Variants in ADGRL2 observed in about 807,000 individuals in gnomAD.
The protein encoded by ADGRL2 is adhesion G protein-coupled receptor L2.
Under a neutral mutation model 157.4 loss-of-function variants are expected in ADGRL2, and 44 were observed. That is an observed-to-expected ratio of 0.28 (90% CI 0.22 to 0.36). The LOEUF (loss-of-function observed/expected upper bound fraction) is 0.36, where lower values mean the gene tolerates loss of function less well. Ranked by LOEUF, ADGRL2 falls within the 10% of genes least tolerant of loss-of-function variation. The probability of loss-of-function intolerance (pLI) is 1.00; values close to 1 mark genes in which losing one functional copy is unlikely to be tolerated. For missense variants in ADGRL2, 1,510 were observed against 1,768.9 expected, an observed-to-expected ratio of 0.85 and a Z score of 2.63; for synonymous variants, 585 against 624.7, an observed-to-expected ratio of 0.94 and a Z score of 0.95.
At chr1:81,867,473 G>T (rs1243019781) in intron 2 of ADGRL2, among the ~76,000 whole-genome samples, 2 of 152,202 alleles carry the variant, frequency 1.3e-5, no homozygotes, top group Non-Finnish European at 2.9e-5. Flanking sequence ...AAGTTAGGAG[G>T]CAGCTCTACT....
At chr1:81,386,852 A>G (rs1003655767) in intron 1 of ADGRL2, among the ~76,000 whole-genome samples, 3 of 152,048 alleles carry the variant, frequency 2.0e-5, no homozygotes, top group African/African-American at 7.2e-5. Context: ...GTACCATCAC[A>G]CAGGAGAAGC....
intron 3 of ADGRL2, among the ~76,000 whole-genome samples, chr1:81,610,543 C>T (rs2081520901): frequency 6.6e-6 from 1 of 152,050 alleles, no homozygotes; most frequent in South Asian, 2.1e-4. Context: ...GATTTTATTC[C>T]AAATGTAATG....
intron 3 of ADGRL2, among the ~76,000 whole-genome samples, chr1:81,590,288 T>A (rs1284744564): frequency 6.6e-6 from 1 of 152,138 alleles, no homozygotes; most frequent in African/African-American, 2.4e-5. Context: ...CTCCTTATTT[T>A]CTATCTCTTT....
chr1:81,511,947 T>C (rs1425989849), intron 2 of ADGRL2, among the ~76,000 whole-genome samples: 2 of 152,196 alleles, frequency 1.3e-5, no homozygotes, highest in African/African-American at 2.4e-5. Context: ...ATTGCAATAA[T>C]GGAATAATTT....
chr1:81,668,228 C>T (rs532954569), intron 3 of ADGRL2, among the ~76,000 whole-genome samples: 32 of 152,044 alleles, frequency 2.1e-4, no homozygotes, highest in South Asian at 8.3e-4. Context: ...AGTTCGAGAC[C>T]GGCCTGACCA....
At chr1:81,571,452 CAT>C (rs1230153344) in intron 2 of ADGRL2, among the ~76,000 whole-genome samples, 1 of 146,138 alleles carries the variant, frequency 6.8e-6, no homozygotes, top group African/African-American at 2.5e-5. Flanking sequence ...TATACACACA[CAT>C]ATATATATAT....
intron 2 of ADGRL2, among the ~76,000 whole-genome samples, chr1:81,551,625 A>G (rs1421536112): frequency 6.6e-6 from 1 of 152,184 alleles, no homozygotes; most frequent in Non-Finnish European, 1.5e-5. Flanking sequence ...ACTTATGTAT[A>G]CATCATAAGT....
intron 2 of ADGRL2, among the ~76,000 whole-genome samples, chr1:81,871,028 T>C (rs372555452): frequency 7.3e-5 from 11 of 151,720 alleles, no homozygotes; most frequent in Non-Finnish European, 1.6e-4. Context: ...GTTGGTGTGC[T>C]GCACCCATTA....
At chr1:81,918,652 T>C (rs563299914) in intron 3 of ADGRL2, among the ~76,000 whole-genome samples, 1 of 152,094 alleles carries the variant, frequency 6.6e-6, no homozygotes, top group Non-Finnish European at 1.5e-5. Context: ...TGGGTGCATG[T>C]TTTATGCATC....
intron 2 of ADGRL2, among the ~76,000 whole-genome samples, chr1:81,554,987 A>G (rs2080237911): frequency 6.6e-6 from 1 of 152,060 alleles, no homozygotes; most frequent in Non-Finnish European, 1.5e-5. Flanking sequence ...AGAAGAGATA[A>G]AAGTCCTGTG....
intron 2 of ADGRL2, among the ~76,000 whole-genome samples, chr1:81,478,248 G>A (rs1188283212): frequency 6.6e-6 from 1 of 152,174 alleles, no homozygotes; most frequent in African/African-American, 2.4e-5. Flanking sequence ...TATCAGATAA[G>A]AGATGCAGGA....
chr1:81,366,325 A>G (rs987131401), intron 1 of ADGRL2, among the ~76,000 whole-genome samples: 18 of 152,118 alleles, frequency 1.2e-4, no homozygotes, highest in Non-Finnish European at 2.2e-4. Context: ...TAATTTAGTG[A>G]GATATGTTCT....
At chr1:81,377,111 G>T (rs781425088) in intron 1 of ADGRL2, among the ~76,000 whole-genome samples, 1 of 152,104 alleles carries the variant, frequency 6.6e-6, no homozygotes, top group Non-Finnish European at 1.5e-5. Context: ...TGGGAGGATC[G>T]CTTAGGCCCA....
intron 2 of ADGRL2, 67 bp downstream of exon 2, chr1:81,837,124 T>C (rs2092322366): frequency 2.6e-6 from 2 of 758,114 alleles, no homozygotes; most frequent in African/African-American, 3.7e-5. Context: ...CTTCTTAATA[T>C]GGAAGTGCCT....
At chr1:81,506,185 A>C (rs1025354761) in intron 2 of ADGRL2, 2 of 153,026 alleles carry the variant, frequency 1.3e-5, no homozygotes, top group African/African-American at 4.8e-5. Context: ...AGCACCTTTT[A>C]AAGACCAAGA....
chr1:81,793,143 T>C (rs2087429447), intron 2 of ADGRL2, among the ~76,000 whole-genome samples: 1 of 152,134 alleles, frequency 6.6e-6, no homozygotes, highest in Non-Finnish European at 1.5e-5. Context: ...ATAGTTTCAA[T>C]TTTAGACTCC....
intron 3 of ADGRL2, among the ~76,000 whole-genome samples, chr1:81,666,658 CAT>C (rs777871374): frequency 6.6e-6 from 1 of 152,094 alleles, no homozygotes; most frequent in Non-Finnish European, 1.5e-5. Flanking sequence ...ATGAATAAAA[CAT>C]ATAACAACCA....
intron 2 of ADGRL2, among the ~76,000 whole-genome samples, chr1:81,768,031 G>A (rs2149334067): frequency 6.6e-6 from 1 of 152,048 alleles, no homozygotes; most frequent in African/African-American, 2.4e-5. Flanking sequence ...AATATTGTAA[G>A]ATACTTAAAT....
At chr1:81,577,018 C>G (rs867244998) in intron 2 of ADGRL2, among the ~76,000 whole-genome samples, 32 of 152,126 alleles carry the variant, frequency 2.1e-4, no homozygotes, top group African/African-American at 6.8e-4. Context: ...GCTTTGCTTT[C>G]AGAAGCTCCT....
Sources: allele counts gnomAD v4.1 joint callset (sites outside exome capture counted in the v4.1 genomes callset), GRCh38; gene constraint gnomAD v4.1.1; transcripts MANE v1.5; gene names NCBI Gene and HGNC (gene_info 2026-07-23, HGNC 2026-07-21).